The following MPPED1 variants were observed in gnomAD, a reference collection of about 807,000 sequenced individuals.
MPPED1 encodes the protein metallophosphoesterase domain containing 1.
Under a neutral mutation model 36.2 loss-of-function variants are expected in MPPED1, and 16 were observed. The observed-to-expected ratio is 0.44, with a 90% CI of 0.30 to 0.67. The LOEUF is 0.67. Ranked by LOEUF, MPPED1 falls within the 30% of genes least tolerant of loss-of-function variation. The pLI is 0.10. For missense variants in MPPED1, 307 were observed against 453.4 expected, an observed-to-expected ratio of 0.68 and a Z score of 2.93; for synonymous variants, 199 against 191.3, an observed-to-expected ratio of 1.04 and a Z score of -0.33.
chr22:43,496,953 T>A (rs1602020709), intron 4 of MPPED1, among the ~76,000 whole-genome samples: 3 of 106,884 alleles, frequency 2.8e-5, no homozygotes, highest in Non-Finnish European at 5.8e-5. Context: ...GTGGTGGAGG[T>A]GGTGGTGGTG....
intron 6 of MPPED1, among the ~76,000 whole-genome samples, chr22:43,504,240 T>G (rs1177104467): frequency 6.6e-6 from 1 of 151,810 alleles, no homozygotes; most frequent in Non-Finnish European, 1.5e-5. Context: ...GTGATGATGA[T>G]GGTGATTGTG....
chr22:43,462,514 A>G (rs892365232), intron 3 of MPPED1, among the ~76,000 whole-genome samples: 4 of 152,198 alleles, frequency 2.6e-5, no homozygotes, highest in African/African-American at 9.6e-5. Context: ...CCACTCACAT[A>G]TGCATCTTTT....
intron 3 of MPPED1, among the ~76,000 whole-genome samples, chr22:43,463,807 TTTTC>T (rs695374): frequency 0.12 from 13,705 of 112,352 alleles, 917 homozygotes; most frequent in African/African-American, 0.14. Flanking sequence ...TCATTTTTTC[TTTTC>T]TTTCTTTCTT....
At chr22:43,495,556 G>GGTGGAGGTA (rs1932272182) in intron 4 of MPPED1, among the ~76,000 whole-genome samples, 1 of 118,048 alleles carries the variant, frequency 8.5e-6, no homozygotes, top group Non-Finnish European at 1.9e-5. Flanking sequence ...TGGTGGAGAT[G>GGTGGAGGTA]GTGGTGGTGG....
intron 3 of MPPED1, among the ~76,000 whole-genome samples, chr22:43,463,804 TTCTTTTC>T (rs1420915647): frequency 2.4e-4 from 36 of 148,418 alleles, no homozygotes; most frequent in African/African-American, 8.5e-4. Context: ...TTTTCATTTT[TTCTTTTC>T]TTTCTTTCTT....
intron 1 of MPPED1, among the ~76,000 whole-genome samples, chr22:43,412,668 CCCATCCAT>C (rs59354174): frequency 2.7e-5 from 4 of 149,278 alleles, no homozygotes; most frequent in Admixed American, 1.3e-4. Context: ...ATCCCTCCCT[CCCATCCAT>C]CCATCCATCC....
chr22:43,479,251 C>T (rs902489086), intron 4 of MPPED1, among the ~76,000 whole-genome samples: 1 of 152,240 alleles, frequency 6.6e-6, no homozygotes, highest in Non-Finnish European at 1.5e-5. Flanking sequence ...CTGCCCTCAA[C>T]ATATTGGCTA....
At chr22:43,490,328 C>T (rs1932043780) in intron 4 of MPPED1, among the ~76,000 whole-genome samples, 1 of 152,226 alleles carries the variant, frequency 6.6e-6, no homozygotes, top group Non-Finnish European at 1.5e-5. Flanking sequence ...GTTCTTCACC[C>T]AGCTCTGCCT....
chr22:43,416,891 G>A (rs1929094052), intron 1 of MPPED1: 12 of 709,782 alleles, frequency 1.7e-5, no homozygotes, highest in African/African-American at 5.8e-5. Context: ...CTCGGGGCTC[G>A]TTCTGTGCAA....
chr22:43,500,173 A>G (rs867942586), intron 5 of MPPED1, among the ~76,000 whole-genome samples: 1 of 21,550 alleles, frequency 4.6e-5, no homozygotes, highest in Admixed American at 5.0e-4. Context: ...ATGGTGATGG[A>G]GGTGGTGGTG....
chr22:43,444,974 C>A (rs572378958), intron 3 of MPPED1, among the ~76,000 whole-genome samples: 3 of 152,088 alleles, frequency 2.0e-5, no homozygotes, highest in Non-Finnish European at 4.4e-5. Context: ...GTAGCTCAGA[C>A]GGAGGGCCTA....
intron 5 of MPPED1, among the ~76,000 whole-genome samples, chr22:43,499,558 AGGT>A (rs1291594029): frequency 1.2e-4 from 3 of 24,296 alleles, no homozygotes; most frequent in Admixed American, 5.4e-4. Flanking sequence ...GTGGTGGTGG[AGGT>A]GGTGGTGGTG....
At chr22:43,444,644 T>C (rs1475072389) in intron 3 of MPPED1, among the ~76,000 whole-genome samples, 1 of 152,164 alleles carries the variant, frequency 6.6e-6, no homozygotes, top group Non-Finnish European at 1.5e-5. Flanking sequence ...ATTATAGGCA[T>C]AGGCCACCAT....
At chr22:43,435,270 G>T in intron 3 of MPPED1, 55 bp downstream of exon 3, 1 of 1,532,952 alleles carries the variant, frequency 6.5e-7, no homozygotes, top group Non-Finnish European at 8.8e-7. Flanking sequence ...GGGGGCTCCC[G>T]CCAGCTCCCG....
intron 4 of MPPED1, among the ~76,000 whole-genome samples, chr22:43,497,343 G>C (rs1307267759): frequency 6.6e-6 from 1 of 152,000 alleles, no homozygotes; most frequent in Non-Finnish European, 1.5e-5. Flanking sequence ...AGTTCAAATG[G>C]CTTTGTGTTG....
intron 3 of MPPED1, among the ~76,000 whole-genome samples, chr22:43,439,504 C>T (rs773384259): frequency 8.5e-5 from 13 of 152,240 alleles, no homozygotes; most frequent in East Asian, 1.9e-4. Context: ...GGAGGTGGGG[C>T]GGCTGGAGGC....
At chr22:43,415,152 A>C (rs1248541100) in intron 1 of MPPED1, among the ~76,000 whole-genome samples, 1 of 142,690 alleles carries the variant, frequency 7.0e-6, no homozygotes, top group Non-Finnish European at 1.5e-5. Flanking sequence ...TGAGACCATC[A>C]GTGAGCATCC....
At chr22:43,428,581 C>A (rs1929565187) in intron 2 of MPPED1, among the ~76,000 whole-genome samples, 1 of 152,154 alleles carries the variant, frequency 6.6e-6, no homozygotes, top group Non-Finnish European at 1.5e-5. Context: ...TTGTTGCCAC[C>A]CTGGGCTTTG....
At chr22:43,464,343 T>G (rs1931087909) in intron 3 of MPPED1, among the ~76,000 whole-genome samples, 1 of 147,240 alleles carries the variant, frequency 6.8e-6, no homozygotes, top group Admixed American at 6.8e-5. Context: ...GTGGTGGGCA[T>G]AGGGGGATGT....
Sources: gnomAD v4.1 joint callset for allele counts (sites outside exome capture counted in the v4.1 genomes callset) on GRCh38, gnomAD v4.1.1 for gene constraint, MANE v1.5 for transcripts, NCBI Gene and HGNC (gene_info 2026-07-23, HGNC 2026-07-21) for gene names.